The following CDH5 variants were observed in gnomAD, a reference collection of about 807,000 sequenced individuals.
CDH5 encodes cadherin-5.
CDH5 carries 28 observed loss-of-function variants against 62.0 expected under a neutral mutation model. That is an observed-to-expected ratio of 0.45 (90% confidence interval 0.33 to 0.62). The LOEUF is 0.62. Among genes scored for constraint, CDH5 ranks in the 20% least tolerant of loss-of-function variants. The pLI is 0.02. For synonymous variants in CDH5, 464 were observed against 445.8 expected (o/e 1.04, Z -0.52); for missense variants, 940 against 1,065.1 (o/e 0.88, Z 1.63).
intron 1 of CDH5, among the ~76,000 whole-genome samples, chr16:66,376,980 C>T (rs763458462): frequency 2.0e-5 from 3 of 152,178 alleles, no homozygotes; most frequent in Non-Finnish European, 4.4e-5. Context: ...TGCCCAGAGC[C>T]CTGAGAACTC....
Position 66,389,447 on chromosome 16 carries a change from CG to C in CDH5, c.712del (p.Asp238ThrfsTer55). ...VVEARDAQGLRGDSGTATVLV... is the reference protein window; with the variant it reads ...VVEARDAQGLXGDSGTATVLV... Reference sequence around the variant, plus strand: ...GGAAGCGCGAGATGCCCAGGGCCTCCGGGGGGACTCGGGCACGGCCACCGTG... The same window carrying C: ...GGAAGCGCGAGATGCCCAGGGCCTCCGGGGGACTCGGGCACGGCCACCGTG... On this transcript the variant is annotated frameshift_variant, in exon 5 of 12. Transcript: ENST00000341529. LOFTEE classifies it high-confidence loss of function. The C allele has an allele frequency of 1.2e-6, 2 of 1,613,018 alleles. No homozygotes were observed. The highest frequency in any genetic ancestry group is 1.7e-6 in the Non-Finnish European group (2 of 1,179,480).
At chr16:66,367,321 T>C (rs1960605339) in intron 1 of CDH5, among the ~76,000 whole-genome samples, 1 of 152,234 alleles carries the variant, frequency 6.6e-6, no homozygotes, top group Admixed American at 6.5e-5. Flanking sequence ...AGCTGAGGCT[T>C]GGCTCTGGGC....
chr16:66,379,466 G>T lies in CDH5; in HGVS notation c.129G>T (p.Arg43=), dbSNP rs760984427. 3.7e-5 allele frequency: 59 copies of T among 1,614,206 alleles called. No homozygotes were observed. In the Middle Eastern group the frequency reaches 6.6e-4, roughly 18 times the overall value. Residue 43 remains arginine, a synonymous_variant, in exon 2 of 12, where the codon CGG becomes CGT. Transcript: ENST00000341529. ...RDTHSLLPTH[R]RQKRDWIWNQ... ...CCCACAGCCTGCTGCCCACCCACCG[G>T]CGCCAAAAGAGAGATTGGATTTGGA...
chr16:66,390,941 G>T (rs1048723191), intron 6 of CDH5, among the ~76,000 whole-genome samples: 2 of 152,176 alleles, frequency 1.3e-5, no homozygotes, highest in Admixed American at 6.5e-5. Flanking sequence ...TTGACTGGGG[G>T]CTGCCCCTGG....
At chr16:66,386,433 C>A (rs1960984183) in intron 2 of CDH5, among the ~76,000 whole-genome samples, 1 of 152,144 alleles carries the variant, frequency 6.6e-6, no homozygotes, top group African/African-American at 2.4e-5. Flanking sequence ...TCATCCCAAC[C>A]TCCCCTCTTT....
At position 66,392,283 on chromosome 16, in the gene CDH5, C is replaced by T; in HGVS notation, c.1117C>T (p.Gln373Ter). 2 of 1,614,174 alleles carry T rather than the reference C, an allele frequency of 1.2e-6. No individual in the cohort carries two copies. The highest frequency in any genetic ancestry group is 1.7e-6 in the Non-Finnish European group (2 of 1,180,028). Residue 373 changes from glutamine to a stop codon, truncating the protein, a stop_gained, in exon 7 of 12, where the codon CAG becomes TAG. Transcript: ENST00000341529. LOFTEE classifies it high-confidence loss of function. ...ITDVDEPPIF[Q>*]QPFYHFQLKE... ...AGATGTGGACGAGCCCCCCATTTTC[C>T]AGCAGCCTTTCTACCACTTCCAGCT...
rs376909217 is a variant in CDH5, at chr16:66,400,812, C to G, written c.1633C>G (p.Arg545Gly). The G allele has an allele frequency of 6.2e-7, 1 of 1,614,180 alleles. No individual in the cohort carries two copies. Among genetic ancestry groups the G allele is most frequent in the South Asian group, 1.1e-5 (1 of 91,076 alleles). ...CACAGTCAAGTATGGGCAGTTTGAC[C>G]GGGAGCATACCAAGGTCCACTTCCT... ...NITVKYGQFD[R>G]EHTKVHFLPV... The change falls in exon 11 of 12, where the codon CGG (arginine) becomes GGG (glycine). Residue 545 changes from arginine (R) to glycine (G), a missense_variant. Physicochemically the swap from Arg to Gly is moderately radical, Grantham distance 125. Transcript: ENST00000341529.
chr16:66,379,264 A>G (rs184294608), intron 1 of CDH5, 55 bp from the exon 2 acceptor site: 3 of 1,296,800 alleles, frequency 2.3e-6, no homozygotes, highest in Non-Finnish European at 3.2e-6. Flanking sequence ...CCTGTGTCTA[A>G]GTACTCCTTT....
At chr16:66,382,157 G>T (rs1960909991) in intron 2 of CDH5, among the ~76,000 whole-genome samples, 1 of 152,210 alleles carries the variant, frequency 6.6e-6, no homozygotes, top group Non-Finnish European at 1.5e-5. Flanking sequence ...AGGGTTTAGG[G>T]CAGGGCCAAC....
At chr16:66,397,922 T>G in intron 8 of CDH5, 60 bp from the exon 9 acceptor site, 1 of 1,609,174 alleles carries the variant, frequency 6.2e-7, no homozygotes, top group Non-Finnish European at 8.5e-7. Flanking sequence ...CCACACATCT[T>G]CCACCGCCCA....
In CDH5 at chr16:66,387,027, C is replaced by T. The variant is rs781082755; in HGVS notation, c.429C>T (p.Asp143=). Residue 143 remains aspartate, a synonymous_variant, in exon 3 of 12, where the codon GAC becomes GAT. Coordinates refer to ENST00000341529, the MANE Select transcript of CDH5 (RefSeq NM_001795.5). ...CCAGCTTCACCATCAAAGTTCATGA[C>T]GTGAACGACAACTGGCCTGTGTTCA... ...TPSSFTIKVH[D]VNDNWPVFTH... The T allele has an allele frequency of 5.0e-6, 8 of 1,614,158 alleles. No homozygotes were observed. The highest frequency in any genetic ancestry group is 2.2e-5 in the East Asian group (1 of 44,876).
chr16:66,390,525 T>C lies in CDH5; in HGVS notation c.904T>C (p.Tyr302His), dbSNP rs1961065792. The change falls in exon 6 of 12, where the codon TAC becomes CAC. Residue 302 changes from tyrosine (Y) to histidine (H), a missense_variant. Physicochemically the swap from Tyr to His is moderately conservative, Grantham distance 83. Transcript: ENST00000341529. ...MTKYSILRGD[Y>H]QDAFTIETNP... ...CAAGTACAGCATCTTGCGGGGCGACTACCAGGACGCTTTCACCATTGAGAC... is the reference window on the plus strand; with the variant it reads ...CAAGTACAGCATCTTGCGGGGCGACCACCAGGACGCTTTCACCATTGAGAC... 1 of 1,614,022 alleles carries C rather than the reference T, an allele frequency of 6.2e-7. No homozygotes were observed.
chr16:66,368,424 T>A (rs1005011265), intron 1 of CDH5, among the ~76,000 whole-genome samples: 2 of 152,186 alleles, frequency 1.3e-5, no homozygotes, highest in Non-Finnish European at 2.9e-5. Flanking sequence ...GCTGCCCGCC[T>A]GCAGCCTCAG....
chr16:66,387,178 C>A, intron 3 of CDH5, 81 bp downstream of exon 3: 1 of 1,364,716 alleles, frequency 7.3e-7, no homozygotes, highest in Admixed American at 2.0e-5. Flanking sequence ...ACTTCACTGC[C>A]TGGGGTAGGA....
intron 1 of CDH5, among the ~76,000 whole-genome samples, chr16:66,374,529 A>G (rs2142308820): frequency 6.6e-6 from 1 of 152,242 alleles, no homozygotes; most frequent in East Asian, 1.9e-4. Context: ...TGGACACACA[A>G]CAGAATCCAA....
intron 1 of CDH5, among the ~76,000 whole-genome samples, chr16:66,374,860 C>T (rs567137138): frequency 1.3e-5 from 2 of 152,154 alleles, no homozygotes; most frequent in Admixed American, 1.3e-4. Context: ...AGGTTTGTTA[C>T]ATATGTACAC....
chr16:66,373,781 G>A (rs1357461654), intron 1 of CDH5, among the ~76,000 whole-genome samples: 1 of 152,062 alleles, frequency 6.6e-6, no homozygotes. Context: ...AGTATAGAAG[G>A]AGCCTAGGAT....
At chr16:66,371,100 GCCAAACC>G (rs1480017323) in intron 1 of CDH5, among the ~76,000 whole-genome samples, 1 of 152,124 alleles carries the variant, frequency 6.6e-6, no homozygotes, top group Non-Finnish European at 1.5e-5. Flanking sequence ...TAGCTGCCTG[GCCAAACC>G]CCATTCCCGA....
chr16:66,403,428 A>C lies in CDH5; in HGVS notation c.*259A>C. On this transcript the variant is annotated 3_prime_UTR_variant, in exon 12 of 12. Coordinates refer to ENST00000341529, the MANE Select transcript of CDH5 (RefSeq NM_001795.5). This position sits in a 1 kb window ranked among gnomAD's most constrained non-coding sequence, Gnocchi z 4.3. ...CTGTCTGGGCTCAGACATCCACATA[A>C]CCCTGTCACCCACAGACCGCCGTCT... 2 of 505,118 alleles carry C rather than the reference A, an allele frequency of 4.0e-6. No homozygotes were observed. The highest frequency in any genetic ancestry group is 3.8e-5 in the African/African-American group (2 of 52,012). The allele number at this position is 505,118 out of a possible 1,614,324, so 31.3% of individuals were successfully genotyped here.
Sources: gnomAD v4.1 joint callset for allele counts (sites outside exome capture counted in the v4.1 genomes callset) on GRCh38, gnomAD v4.1.1 for gene constraint, Gnocchi (gnomAD v3.1) non-coding constraint, MANE v1.5 for transcripts, NCBI Gene and HGNC (gene_info 2026-07-23, HGNC 2026-07-21) for gene names.